Variants in LAMA3 observed in about 807,000 individuals in gnomAD.
LAMA3 encodes laminin subunit alpha-3.
A neutral mutation model predicts 402.0 loss-of-function variants in LAMA3; 281 were observed. The ratio of observed to expected loss-of-function variants is 0.70; its 90% CI spans 0.63 to 0.77. The LOEUF (loss-of-function observed/expected upper bound fraction) is 0.77, where lower values mean the gene tolerates loss of function less well. Ranked by LOEUF, LAMA3 falls within the 30% of genes least tolerant of loss-of-function variation. LAMA3 has a pLI of 0.00. For synonymous variants in LAMA3, 1,431 were observed against 1,558.4 expected, an observed-to-expected ratio of 0.92 and a Z score of 1.93; for missense variants, 3,840 against 4,215.5, an observed-to-expected ratio of 0.91 and a Z score of 2.47.
At chr18:23,829,811 A>G (rs9304391) in intron 23 of LAMA3, among the ~76,000 whole-genome samples, 104,843 of 151,942 alleles carry the variant, frequency 0.69, 36,274 homozygotes, top group Middle Eastern at 0.84. Context: ...GTCTGTTATT[A>G]CACTCTGTAT....
chr18:23,864,179 G>A (rs1042325360), intron 35 of LAMA3, among the ~76,000 whole-genome samples: 2 of 151,412 alleles, frequency 1.3e-5, no homozygotes, highest in African/African-American at 2.4e-5. Context: ...GAAAAAAAAA[G>A]GAACACGACT....
intron 8 of LAMA3, among the ~76,000 whole-genome samples, chr18:23,766,430 A>C (rs1209564250): frequency 6.6e-6 from 1 of 152,276 alleles, no homozygotes; most frequent in Admixed American, 6.5e-5. Context: ...ACTACAAGAT[A>C]TGCTAAAGGA....
rs780644619 is a variant in LAMA3, at chr18:23,814,462, A to G, written c.1848A>G (p.Leu616=). Residue 616 remains leucine, a synonymous_variant, in exon 15 of 75, where the codon TTA becomes TTG. Coordinates refer to ENST00000313654, the MANE Select transcript of LAMA3 (RefSeq NM_198129.4). Reference sequence around the variant, plus strand: ...CTACTTGTAGCCGCTGCAAACTGTTATATTGGAATCTGGACAAAGAAAACC... The same window carrying G: ...CTACTTGTAGCCGCTGCAAACTGTTGTATTGGAATCTGGACAAAGAAAACC... ...EGPTCSRCKL[L]YWNLDKENPS... 4 of 1,613,840 alleles carry G rather than the reference A, an allele frequency of 2.5e-6. No homozygotes were observed. The highest frequency in any genetic ancestry group is 2.2e-5 in the South Asian group (2 of 91,088).
intron 2 of LAMA3, among the ~76,000 whole-genome samples, chr18:23,739,292 T>C (rs1270757122): frequency 6.6e-6 from 1 of 152,220 alleles, no homozygotes; most frequent in Non-Finnish European, 1.5e-5. Context: ...AGGCAGCTTT[T>C]GGGCAAAGGG....
chr18:23,743,346 G>A (rs2061596131), intron 2 of LAMA3, among the ~76,000 whole-genome samples: 1 of 152,150 alleles, frequency 6.6e-6, no homozygotes, highest in African/African-American at 2.4e-5. Context: ...ACCAGGGTAG[G>A]ACCACTTCGG....
chr18:23,825,156 A>G (rs1338739110), intron 21 of LAMA3, among the ~76,000 whole-genome samples: 1 of 152,250 alleles, frequency 6.6e-6, no homozygotes, highest in Admixed American at 6.5e-5. Context: ...AAGCAGGTTT[A>G]TTCCCACCAA....
chr18:23,784,145 C>A lies in LAMA3; in HGVS notation c.1591C>A (p.Pro531Thr). Residue 531 changes from proline to threonine, a missense_variant, in exon 12 of 75, where the codon CCT becomes ACT. Pro to Thr is a conservative substitution (Grantham distance 38). Coordinates refer to ENST00000313654, the MANE Select transcript of LAMA3 (RefSeq NM_198129.4). Reference protein sequence around the residue: ...DTCRSGFYSFPICQACWCSAL... With the variant: ...DTCRSGFYSFTICQACWCSAL... ...CTGCCGCTCTGGTTTCTACTCATTC[C>A]CTATTTGCCAAGGTAAGTGGGCAGA... 1 of 1,614,126 alleles carries A rather than the reference C, an allele frequency of 6.2e-7. No homozygotes were observed. The highest frequency in any genetic ancestry group is 2.2e-5 in the East Asian group (1 of 44,884).
intron 32 of LAMA3, among the ~76,000 whole-genome samples, chr18:23,855,624 G>A (rs2064058729): frequency 6.6e-6 from 1 of 152,192 alleles, no homozygotes; most frequent in Admixed American, 6.5e-5. Context: ...GTGTGTATAT[G>A]AGAATGAGTC....
chr18:23,748,120 T>C, intron 3 of LAMA3, 60 bp downstream of exon 3: 1 of 1,011,914 alleles, frequency 9.9e-7, no homozygotes, highest in South Asian at 1.3e-5. Context: ...AGATAAAGAC[T>C]ATGGATTTAA....
At chr18:23,902,046 G>A (rs1420797524) in intron 48 of LAMA3, among the ~76,000 whole-genome samples, 2 of 152,250 alleles carry the variant, frequency 1.3e-5, no homozygotes, top group Non-Finnish European at 2.9e-5. Flanking sequence ...AATGAGGCCA[G>A]GTGCAATGGC....
At chr18:23,903,358 T>A (rs992389972) in intron 49 of LAMA3, among the ~76,000 whole-genome samples, 1 of 152,198 alleles carries the variant, frequency 6.6e-6, no homozygotes, top group African/African-American at 2.4e-5. Flanking sequence ...AAATCACTTT[T>A]GTGATAGCAA....
In LAMA3 at chr18:23,833,823, GAC is replaced by G. The variant is rs1403546041; in HGVS notation, c.2824-3_2824-2del. The G allele has an allele frequency of 1.9e-6, 3 of 1,612,648 alleles. No individual in the cohort carries two copies. In the South Asian group the frequency reaches 3.3e-5, roughly 18 times the overall value. ...CACAGTCTGTCTGCTTGGCCTCTGT[GAC>G]AGGTGGAATTGCATCTGCGGCTGCG... On this transcript the variant is annotated splice_polypyrimidine_tract_variant and splice_region_variant and intron_variant, in intron 23 of 74. Coordinates refer to ENST00000313654, the MANE Select transcript of LAMA3 (RefSeq NM_198129.4).
chr18:23,701,746 C>T (rs373966624), intron 1 of LAMA3, among the ~76,000 whole-genome samples: 18 of 152,044 alleles, frequency 1.2e-4, no homozygotes, highest in Non-Finnish European at 2.5e-4. Flanking sequence ...GGAATAGACA[C>T]GGAGATAGAG....
At chr18:23,690,512 G>C (rs1480393511) in intron 1 of LAMA3, among the ~76,000 whole-genome samples, 1 of 152,182 alleles carries the variant, frequency 6.6e-6, no homozygotes, top group African/African-American at 2.4e-5. Flanking sequence ...CAGTCATTGG[G>C]GGCGAATGAG....
chr18:23,948,596 G>A (rs1217523926), intron 70 of LAMA3, among the ~76,000 whole-genome samples: 1 of 150,282 alleles, frequency 6.7e-6, no homozygotes, highest in East Asian at 1.9e-4. Context: ...TTGAGTTGGA[G>A]TCTTGCTCTG....
chr18:23,934,185 C>T (rs1599136891), intron 67 of LAMA3, among the ~76,000 whole-genome samples: 1 of 152,344 alleles, frequency 6.6e-6, no homozygotes, highest in South Asian at 2.1e-4. Flanking sequence ...TTCTTAATTT[C>T]TGTAGCTGAT....
intron 41 of LAMA3, among the ~76,000 whole-genome samples, 192 bp from the exon 42 acceptor site, chr18:23,889,819 A>G (rs1486595342): frequency 6.6e-6 from 1 of 152,206 alleles, no homozygotes; most frequent in Non-Finnish European, 1.5e-5. Context: ...ATCTTACTTC[A>G]GATTTATTTC....
intron 32 of LAMA3, among the ~76,000 whole-genome samples, chr18:23,857,638 T>A (rs2064114593): frequency 6.6e-6 from 1 of 152,256 alleles, no homozygotes; most frequent in Non-Finnish European, 1.5e-5. Flanking sequence ...CGGTCATCCA[T>A]GACCATCCAC....
At chr18:23,822,464 C>G (rs2063305414) in intron 20 of LAMA3, 89 bp downstream of exon 20, 4 of 1,415,030 alleles carry the variant, frequency 2.8e-6, no homozygotes, top group Non-Finnish European at 4.0e-6. Flanking sequence ...AGTTGATCAC[C>G]CTTAGAAAAT....
Sources: gnomAD v4.1 joint callset for allele counts (sites outside exome capture counted in the v4.1 genomes callset) on GRCh38, gnomAD v4.1.1 for gene constraint, MANE v1.5 for transcripts, NCBI Gene and HGNC (gene_info 2026-07-23, HGNC 2026-07-21) for gene names.